The following MYCBP2 variants were observed in gnomAD, a reference collection of about 807,000 sequenced individuals.
MYCBP2 encodes the protein E3 ubiquitin-protein ligase MYCBP2.
A neutral mutation model predicts 525.3 loss-of-function variants in MYCBP2; 120 were observed. That is an observed-to-expected ratio of 0.23 (90% CI 0.20 to 0.27). The LOEUF (loss-of-function observed/expected upper bound fraction) is 0.27. MYCBP2 is among the 10% of genes least tolerant of loss of function. MYCBP2 has a pLI of 1.00. For synonymous variants in MYCBP2, 1,894 were observed against 1,955.8 expected (o/e 0.97, Z 0.83); for missense variants, 4,149 against 5,657.1 (o/e 0.73, Z 8.55).
intron 57 of MYCBP2, among the ~76,000 whole-genome samples, chr13:77,095,971 A>C (rs988461121): frequency 6.6e-6 from 1 of 152,252 alleles, no homozygotes; most frequent in Admixed American, 6.5e-5. Flanking sequence ...ATAGGAAAAC[A>C]AAGGAGCCAA....
At chr13:77,192,788 A>G (rs2061407144) in intron 27 of MYCBP2, among the ~76,000 whole-genome samples, 2 of 152,326 alleles carry the variant, frequency 1.3e-5, no homozygotes, top group South Asian at 2.1e-4. Flanking sequence ...ACGATTCTCT[A>G]TAAATGAAAC....
At chr13:77,245,555 A>G (rs1472411855) in intron 15 of MYCBP2, among the ~76,000 whole-genome samples, 1 of 144,152 alleles carries the variant, frequency 6.9e-6, no homozygotes, top group Non-Finnish European at 1.5e-5. Context: ...GAGTTGAACA[A>G]TGAGAACACA....
chr13:77,102,009 A>G (rs1470145463), intron 55 of MYCBP2, among the ~76,000 whole-genome samples: 2 of 151,942 alleles, frequency 1.3e-5, no homozygotes, highest in Non-Finnish European at 2.9e-5. Context: ...ATATGCAAAC[A>G]TTTTTCTAAC....
chr13:77,190,206 A>G (rs371821679), intron 29 of MYCBP2, 46 bp downstream of exon 29: 4 of 1,275,174 alleles, frequency 3.1e-6, no homozygotes, highest in Non-Finnish European at 4.4e-6. Flanking sequence ...ACTTCATTAT[A>G]GCAAAATAAT....
intron 4 of MYCBP2, among the ~76,000 whole-genome samples, chr13:77,277,182 C>T (rs1033152805): frequency 1.3e-5 from 2 of 152,026 alleles, no homozygotes; most frequent in Admixed American, 6.6e-5. Context: ...CAAGTCTTCG[C>T]GGGTATTTCA....
chr13:77,154,336 A>C (rs904338450), intron 46 of MYCBP2, among the ~76,000 whole-genome samples: 21 of 151,768 alleles, frequency 1.4e-4, no homozygotes, highest in Non-Finnish European at 1.5e-4. Flanking sequence ...AGAAGCAAAT[A>C]TATGGAGGAG....
chr13:77,055,092 A>T (rs1053260237), intron 80 of MYCBP2, among the ~76,000 whole-genome samples: 1 of 151,998 alleles, frequency 6.6e-6, no homozygotes, highest in Non-Finnish European at 1.5e-5. Context: ...TAAGTAGGCA[A>T]GAATGGAGCT....
At chr13:77,208,561 C>G (rs1183152987) in intron 23 of MYCBP2, among the ~76,000 whole-genome samples, 1 of 152,244 alleles carries the variant, frequency 6.6e-6, no homozygotes, top group Non-Finnish European at 1.5e-5. Context: ...TCTTTAAATA[C>G]TGACTTGGAA....
At position 77,251,298 on chromosome 13, in the gene MYCBP2, T is replaced by A; in HGVS notation, c.2234A>T (p.Asp745Val). ...CATCATAGACTTCTCATCTTTTTCA[T>A]CTAGTTCTTCTTCCAGGTCTTCATC... Reference protein sequence around the residue: ...AMDEDLEEELDEKDEKSMMCP... With the variant: ...AMDEDLEEELVEKDEKSMMCP... Residue 745 changes from aspartate to valine, a missense_variant, in exon 15 of 83, where the codon GAT becomes GTT. This residue lies in a region of MYCBP2 where 620 missense variants were observed against 795.5 expected (regional missense o/e 0.78). Coordinates refer to ENST00000544440, the MANE Select transcript of MYCBP2 (RefSeq NM_015057.5). 1 of 1,614,230 alleles carries A rather than the reference T, an allele frequency of 6.2e-7. No homozygotes were observed. Among genetic ancestry groups the A allele is most frequent in the Non-Finnish European group, 8.5e-7 (1 of 1,180,036 alleles).
chr13:77,199,952 C>A (rs2062279163), intron 26 of MYCBP2, among the ~76,000 whole-genome samples: 1 of 152,184 alleles, frequency 6.6e-6, no homozygotes, highest in African/African-American at 2.4e-5. Flanking sequence ...AAAAACAGAG[C>A]AGAAAAACTG....
intron 17 of MYCBP2, among the ~76,000 whole-genome samples, chr13:77,237,476 T>C (rs1427175598): frequency 6.6e-6 from 1 of 152,006 alleles, no homozygotes; most frequent in East Asian, 1.9e-4. Context: ...AATATATGTA[T>C]TATAACACTA....
At chr13:77,087,854 C>T (rs1222554294) in intron 61 of MYCBP2, 4 of 374,352 alleles carry the variant, frequency 1.1e-5, no homozygotes, top group Non-Finnish European at 1.9e-5. Flanking sequence ...GATCATGGCT[C>T]ACTGCAGCCT....
intron 32 of MYCBP2, among the ~76,000 whole-genome samples, chr13:77,182,893 G>A (rs1474251078): frequency 1.3e-5 from 2 of 152,170 alleles, no homozygotes; most frequent in African/African-American, 4.8e-5. Flanking sequence ...TGTTAGTGAA[G>A]ATTTTTTTGT....
intron 15 of MYCBP2, among the ~76,000 whole-genome samples, chr13:77,249,486 C>T (rs1217966686): frequency 1.3e-5 from 2 of 152,052 alleles, no homozygotes; most frequent in African/African-American, 4.8e-5. Context: ...CAAAAGGGAC[C>T]AGATAATTTA....
chr13:77,140,304 C>T (rs2054406166), intron 50 of MYCBP2, 141 bp from the exon 51 acceptor site: 2 of 537,930 alleles, frequency 3.7e-6, no homozygotes, highest in East Asian at 3.0e-5. Flanking sequence ...GAGGCTCCCT[C>T]TGCAAATAAC....
chr13:77,050,806 C>T (rs1237032857), intron 82 of MYCBP2, among the ~76,000 whole-genome samples, 191 bp downstream of exon 82: 4 of 152,170 alleles, frequency 2.6e-5, no homozygotes, highest in African/African-American at 4.8e-5. Flanking sequence ...TAACTTCTCA[C>T]TCATGATGAT....
At position 77,286,963 on chromosome 13, in the gene MYCBP2, C is replaced by A. The variant is rs547127538; in HGVS notation, c.594+1198G>T. Among the ~76,000 whole-genome samples, 53 of 149,054 alleles carry A rather than the reference C, an allele frequency of 3.6e-4. 1 individual carries two copies. The highest frequency in any genetic ancestry group is 1.3e-3 in the African/African-American group (52 of 40,480). The stretch of plus-strand genomic sequence containing the variant: ...GCAGTGGCGCCATCTCGGCTCACTG[C>A]AAGCTCCGCCTCCCGGGTTCACGCC... On this transcript the variant is annotated intron_variant, in intron 3 of 82. Coordinates refer to ENST00000544440, the MANE Select transcript of MYCBP2 (RefSeq NM_015057.5).
At chr13:77,096,193 A>G in intron 57 of MYCBP2, 119 bp downstream of exon 57, 1 of 1,058,660 alleles carries the variant, frequency 9.4e-7, no homozygotes, top group Non-Finnish European at 1.3e-6. Context: ...TTCCATTATA[A>G]AAGCTGATCT....
At chr13:77,152,548 A>T (rs2154195204) in intron 46 of MYCBP2, among the ~76,000 whole-genome samples, 1 of 152,118 alleles carries the variant, frequency 6.6e-6, no homozygotes, top group Non-Finnish European at 1.5e-5. Flanking sequence ...CTGCCCCCCT[A>T]CCCTATGCCC....
Sources: gnomAD v4.1 joint callset for allele counts (sites outside exome capture counted in the v4.1 genomes callset) on GRCh38, gnomAD v4.1.1 for gene constraint, gnomAD v4.1.1 regional missense constraint, MANE v1.5 for transcripts, NCBI Gene and HGNC (gene_info 2026-07-23, HGNC 2026-07-21) for gene names.